The following KLHL8 variants were observed in gnomAD, a reference collection of about 807,000 sequenced individuals.
KLHL8 encodes kelch like family member 8.
KLHL8 carries 38 observed loss-of-function variants against 63.5 expected under a neutral mutation model. The ratio of observed to expected loss-of-function variants is 0.60; its 90% CI spans 0.46 to 0.78. KLHL8 has a LOEUF of 0.78. KLHL8 is among the 30% of genes least tolerant of loss of function. The pLI is 0.00. For missense variants in KLHL8, 566 were observed against 752.4 expected (o/e 0.75, Z 2.90); for synonymous variants, 224 against 254.3 (o/e 0.88, Z 1.13).
intron 8 of KLHL8, among the ~76,000 whole-genome samples, chr4:87,165,071 C>G (rs1252417073): frequency 6.7e-6 from 1 of 149,330 alleles, no homozygotes; most frequent in East Asian, 2.0e-4. Context: ...ATGGCGTGAA[C>G]CTGGGAGGCG....
chr4:87,200,605 C>T (rs922282861), intron 1 of KLHL8, among the ~76,000 whole-genome samples: 1 of 152,092 alleles, frequency 6.6e-6, no homozygotes, highest in Non-Finnish European at 1.5e-5. Flanking sequence ...CATGAGATAT[C>T]ACCTTACACC....
chr4:87,191,125 T>C (rs139541090), intron 2 of KLHL8, among the ~76,000 whole-genome samples: 1 of 152,176 alleles, frequency 6.6e-6, no homozygotes, highest in African/African-American at 2.4e-5. Context: ...AATATACAAA[T>C]AAAATAACAT....
chr4:87,214,415 GATATATATATATAT>G (rs58112792), intron 1 of KLHL8, among the ~76,000 whole-genome samples: 2,840 of 93,066 alleles, frequency 0.031, 121 homozygotes, highest in African/African-American at 0.077. Context: ...GCACATAACA[GATATATATATATAT>G]ATATATATAT....
chr4:87,211,199 C>G (rs1332342074), intron 1 of KLHL8, among the ~76,000 whole-genome samples: 1 of 152,146 alleles, frequency 6.6e-6, no homozygotes, highest in South Asian at 2.1e-4. Context: ...TTAATGTATG[C>G]TTAAATAATT....
intron 1 of KLHL8, chr4:87,219,589 A>G (rs1732739879): frequency 6.6e-6 from 1 of 152,312 alleles, no homozygotes; most frequent in African/African-American, 2.4e-5. Context: ...CCAAGAGGGA[A>G]AAACAGTGCA....
chr4:87,165,059 C>G (rs369136131), intron 8 of KLHL8, among the ~76,000 whole-genome samples: 60 of 143,282 alleles, frequency 4.2e-4, no homozygotes, highest in South Asian at 1.3e-3. Context: ...TGAGGCAGGA[C>G]AATGGCGTGA....
At chr4:87,220,730 G>T (rs1001737270), upstream of KLHL8, 1 of 152,308 alleles carries the variant, frequency 6.6e-6, no homozygotes, top group African/African-American at 2.4e-5. Flanking sequence ...TCCCTAGTGG[G>T]CGGCCGGGTC....
rs1307426591 is a variant in KLHL8, at chr4:87,170,526, T to C, written c.1298A>G (p.Tyr433Cys). 1.2e-6 allele frequency: 2 copies of C among 1,614,122 alleles called. No homozygotes were observed. Among genetic ancestry groups the C allele is most frequent in the Non-Finnish European group, 1.7e-6 (2 of 1,179,960 alleles). The change falls in exon 7 of 10, where the codon TAT (tyrosine) becomes TGT (cysteine). Residue 433 changes from tyrosine (Y) to cysteine (C), a missense_variant. Tyr to Cys is a radical substitution (Grantham distance 194, BLOSUM62 -2). Coordinates refer to ENST00000273963, the MANE Select transcript of KLHL8 (RefSeq NM_020803.5). The part of the protein sequence containing the change: ...DNTCFNDVER[Y>C]DIESDQWSTV... ...ACTCCACTGATCAGATTCTATGTCATATCTCTCCACATCATTGAAGCAAGT... is the reference window on the plus strand; with the variant it reads ...ACTCCACTGATCAGATTCTATGTCACATCTCTCCACATCATTGAAGCAAGT...
chr4:87,182,922 T>C (rs978268860), intron 4 of KLHL8, among the ~76,000 whole-genome samples: 4 of 152,140 alleles, frequency 2.6e-5, no homozygotes, highest in Non-Finnish European at 5.9e-5. Context: ...CAATGCAACA[T>C]AGTAAACCAA....
intron 4 of KLHL8, among the ~76,000 whole-genome samples, chr4:87,179,785 A>T (rs1390850776): frequency 6.6e-6 from 1 of 152,102 alleles, no homozygotes; most frequent in Non-Finnish European, 1.5e-5. Flanking sequence ...TCTAAAAATA[A>T]ATAAGACAAA....
At chr4:87,226,970 TA>T (rs1461990137) in intron 1 of KLHL8, among the ~76,000 whole-genome samples, 1 of 81,760 alleles carries the variant, frequency 1.2e-5, no homozygotes, top group Non-Finnish European at 2.3e-5. Flanking sequence ...ATATATATTA[TA>T]TATAAATAAT....
chr4:87,192,855 A>G (rs1731545729), intron 2 of KLHL8, among the ~76,000 whole-genome samples: 1 of 152,210 alleles, frequency 6.6e-6, no homozygotes, highest in Non-Finnish European at 1.5e-5. Flanking sequence ...CTATCTGCAT[A>G]TCTAAACATA....
In KLHL8 at chr4:87,226,793, T is replaced by A. The variant is rs1388295216; in HGVS notation, n.58-5403A>T. On this transcript the variant is annotated intron_variant and non_coding_transcript_variant, in intron 1 of 1. Coordinates refer to the KLHL8 transcript ENST00000506274. Reference sequence around the variant, plus strand: ...ATATATATTATATATATAATATATATTATATATAATATATATTATATATAA... The same window carrying A: ...ATATATATTATATATATAATATATAATATATATAATATATATTATATATAA... Among the ~76,000 whole-genome samples the A allele has an allele frequency of 6.4e-4, 8 of 12,598 alleles. 2 individuals are homozygous for A. The highest frequency in any genetic ancestry group is 3.8e-3 in the African/African-American group (8 of 2,118). The allele number at this position is 12,598 out of a possible 152,430, so 8.3% of individuals were successfully genotyped here. A position where few individuals can be genotyped will look rare whatever the true frequency, so the allele number is the denominator to read the frequency against.
chr4:87,204,549 C>T (rs1732042726), intron 1 of KLHL8, among the ~76,000 whole-genome samples: 2 of 152,310 alleles, frequency 1.3e-5, no homozygotes. Flanking sequence ...TTGCTAAAAA[C>T]TGAAAATAAT....
intron 1 of KLHL8, among the ~76,000 whole-genome samples, chr4:87,197,642 T>C (rs1166220882): frequency 6.6e-6 from 1 of 152,210 alleles, no homozygotes; most frequent in Admixed American, 6.5e-5. Flanking sequence ...TAAATTGTGG[T>C]AATTTGTTAC....
rs545547775 is a variant in KLHL8 at position 87,191,876 on chromosome 4, T to C, written c.216+3448A>G. 8.0e-4 allele frequency among the ~76,000 whole-genome samples: 122 copies of C among 152,250 alleles called. 1 individual carries two copies. Among genetic ancestry groups the C allele is most frequent in the African/African-American group, 2.8e-3 (115 of 41,542 alleles). Reference sequence around the variant, plus strand: ...GAACAAGTGGTATTTGGTTTTCTGCTTCTTTATTAGTTCACTTAGGATAAT... The same window carrying C: ...GAACAAGTGGTATTTGGTTTTCTGCCTCTTTATTAGTTCACTTAGGATAAT... On this transcript the variant is annotated intron_variant, in intron 2 of 9. Transcript: ENST00000273963.
intron 1 of KLHL8, among the ~76,000 whole-genome samples, chr4:87,199,104 A>C (rs1405426954): frequency 6.6e-6 from 1 of 152,172 alleles, no homozygotes; most frequent in Non-Finnish European, 1.5e-5. Flanking sequence ...AAAAAAACCT[A>C]CTTTAAGTAT....
intron 2 of KLHL8, among the ~76,000 whole-genome samples, chr4:87,194,867 T>C (rs1173014482): frequency 1.3e-5 from 2 of 152,136 alleles, no homozygotes; most frequent in African/African-American, 4.8e-5. Flanking sequence ...AACAATGAAG[T>C]AGAGATTAAA....
At chr4:87,220,374 T>G (rs970579736) in intron 1 of KLHL8, 44 bp downstream of exon 1, 1 of 151,938 alleles carries the variant, frequency 6.6e-6, no homozygotes, top group East Asian at 1.9e-4. Flanking sequence ...AAGAGGGGAC[T>G]GAGGGGAGAC....
Sources: allele counts gnomAD v4.1 joint callset (sites outside exome capture counted in the v4.1 genomes callset), GRCh38; gene constraint gnomAD v4.1.1; transcripts MANE v1.5; gene names NCBI Gene and HGNC (gene_info 2026-07-23, HGNC 2026-07-21).